IPO11: variants seen among roughly 807,000 people sequenced by gnomAD.
The protein encoded by IPO11 is importin 11.
A neutral mutation model predicts 143.2 loss-of-function variants in IPO11; 66 were observed. That is an observed-to-expected ratio of 0.46 (90% confidence interval 0.38 to 0.57). The LOEUF (loss-of-function observed/expected upper bound fraction) is 0.57. Ranked by LOEUF, IPO11 falls within the 20% of genes least tolerant of loss-of-function variation. IPO11 has a pLI of 0.00. For synonymous variants in IPO11, 385 were observed against 377.8 expected (o/e 1.02, Z -0.22); for missense variants, 1,026 against 1,141.0 (o/e 0.90, Z 1.45).
At chr5:62,551,019 GTA>G (rs373267363) in intron 25 of IPO11, among the ~76,000 whole-genome samples, 135 of 144,134 alleles carry the variant, frequency 9.4e-4, no homozygotes, top group Non-Finnish European at 1.0e-3. Context: ...TCTCTTTATT[GTA>G]TATATATATA....
chr5:62,457,972 C>A (rs1745221545), intron 5 of IPO11, among the ~76,000 whole-genome samples: 1 of 151,900 alleles, frequency 6.6e-6, no homozygotes, highest in African/African-American at 2.4e-5. Flanking sequence ...CACGGTGAAA[C>A]CCTGTCTCTA....
intron 20 of IPO11, among the ~76,000 whole-genome samples, chr5:62,523,937 T>A (rs1742283786): frequency 6.6e-6 from 1 of 152,180 alleles, no homozygotes; most frequent in Admixed American, 6.5e-5. Context: ...TGGAAAAAAT[T>A]ATAGATTCAC....
chr5:62,571,977 C>T (rs1158538589), intron 27 of IPO11, among the ~76,000 whole-genome samples: 1 of 152,202 alleles, frequency 6.6e-6, no homozygotes. Flanking sequence ...TGAGCCACTG[C>T]ACCCGGCCTT....
chr5:62,418,947 A>T (rs746874936), intron 1 of IPO11: 14 of 1,517,734 alleles, frequency 9.2e-6, no homozygotes, highest in Non-Finnish European at 1.2e-5. Flanking sequence ...TAAGGCTGGG[A>T]TACATCCTGA....
At chr5:62,435,082 G>GTGTATATATGTATATATGTACATATA (rs1744129042) in intron 1 of IPO11, among the ~76,000 whole-genome samples, 1 of 94,504 alleles carries the variant, frequency 1.1e-5, no homozygotes, top group East Asian at 2.9e-4. Flanking sequence ...GTATATATAT[G>GTGTATATATGTATATATGTACATATA]TGTATATATG....
chr5:62,497,827 G>C (rs1741209839), intron 16 of IPO11, among the ~76,000 whole-genome samples: 1 of 152,198 alleles, frequency 6.6e-6, no homozygotes, highest in Non-Finnish European at 1.5e-5. Flanking sequence ...TTTTGAGTGT[G>C]ATGTAAGTAA....
intron 8 of IPO11, among the ~76,000 whole-genome samples, chr5:62,475,456 A>T (rs1028695182): frequency 2.6e-5 from 4 of 152,148 alleles, no homozygotes; most frequent in Admixed American, 2.6e-4. Context: ...GGCTGCAGTG[A>T]GCAGTGATCT....
chr5:62,562,044 A>C (rs1743790805), intron 27 of IPO11: 1 of 152,158 alleles, frequency 6.6e-6, no homozygotes, highest in African/African-American at 2.4e-5. Context: ...ACTCACCTGG[A>C]GCCCCCTTCG....
At chr5:62,535,807 T>G (rs1742715046) in intron 22 of IPO11, among the ~76,000 whole-genome samples, 1 of 152,060 alleles carries the variant, frequency 6.6e-6, no homozygotes, top group South Asian at 2.1e-4. Flanking sequence ...AAAAAATAAT[T>G]TGTCTTATTT....
At chr5:62,486,390 A>G (rs932434636) in intron 12 of IPO11, among the ~76,000 whole-genome samples, 1 of 152,182 alleles carries the variant, frequency 6.6e-6, no homozygotes, top group Admixed American at 6.5e-5. Context: ...TCAAACTGAA[A>G]GCTGCCATTC....
chr5:62,476,534 G>T, intron 8 of IPO11, 149 bp from the exon 9 acceptor site: 1 of 780,824 alleles, frequency 1.3e-6, no homozygotes, highest in Non-Finnish European at 1.9e-6. Flanking sequence ...CTGTTACTCA[G>T]TGTAAATCTT....
chr5:62,479,184 G>A (rs1179892913), intron 9 of IPO11, among the ~76,000 whole-genome samples: 1 of 152,160 alleles, frequency 6.6e-6, no homozygotes. Context: ...AGAATGTGCG[G>A]TGTTTGGTTT....
In IPO11 at chr5:62,537,233, T is replaced by C; in HGVS notation, c.2194T>C (p.Ser732Pro). The change falls in exon 24 of 30, where the codon TCC becomes CCC. Residue 732 changes from serine (S) to proline (P), a missense_variant. By Grantham distance (74) the Ser-to-Pro change is moderately conservative (BLOSUM62 -1). This residue lies in a region of IPO11 where 351 missense variants were observed against 358.9 expected (regional missense o/e 0.98). Transcript: ENST00000325324. The stretch of plus-strand genomic sequence containing the variant: ...GACATACGCAGTAGGTCTATGCCAG[T>C]CCTTTTGTGAACTTTTAAAGGAAAT... ...LQTYAVGLCQ[S>P]FCELLKEITT... The C allele has an allele frequency of 6.2e-7, 1 of 1,606,612 alleles. No individual in the cohort carries two copies. Among genetic ancestry groups the C allele is most frequent in the East Asian group, 2.2e-5 (1 of 44,718 alleles).
At chr5:62,456,611 G>A (rs1043357074) in intron 5 of IPO11, among the ~76,000 whole-genome samples, 2 of 152,162 alleles carry the variant, frequency 1.3e-5, no homozygotes, top group East Asian at 1.9e-4. Flanking sequence ...CACGTACGAC[G>A]ATGCCCGGCC....
Position 62,437,379 on chromosome 5 carries a change from C to T in IPO11, c.100C>T (p.Gln34Ter), listed in dbSNP as rs1561310172. The change falls in exon 2 of 30, where the codon CAG becomes TAG. Residue 34 changes from glutamine (Q) to a stop codon, truncating the protein, a stop_gained. Coordinates refer to ENST00000325324, the MANE Select transcript of IPO11 (RefSeq NM_016338.5). LOFTEE classifies it high-confidence loss of function. ...VLKPAEEQLK[Q>*]WETQPGFYSV... ...AAAACCAGCTGAGGAGCAGTTGAAG[C>T]AGTGGGAGACACAGCCAGGTTTCTA... The T allele has an allele frequency of 6.2e-7, 1 of 1,611,900 alleles. No homozygotes were observed. Among genetic ancestry groups the T allele is most frequent in the Admixed American group, 1.7e-5 (1 of 59,772 alleles).
intron 21 of IPO11, among the ~76,000 whole-genome samples, chr5:62,527,500 A>G (rs781761411): frequency 3.3e-5 from 5 of 152,188 alleles, no homozygotes; most frequent in Non-Finnish European, 7.3e-5. Flanking sequence ...GTAAGATAAA[A>G]TATTAATTCC....
chr5:62,552,202 T>C (rs957650869), intron 26 of IPO11, among the ~76,000 whole-genome samples: 3 of 152,140 alleles, frequency 2.0e-5, no homozygotes, highest in Non-Finnish European at 4.4e-5. Flanking sequence ...TGTTAAGATT[T>C]ATAAGATGTT....
chr5:62,578,906 A>G (rs1418794277), intron 27 of IPO11: 3 of 258,320 alleles, frequency 1.2e-5, no homozygotes, highest in Non-Finnish European at 2.3e-5. Flanking sequence ...GAATCAGCTG[A>G]GTGTTAATAA....
chr5:62,496,929 C>G (rs768150465), intron 16 of IPO11, among the ~76,000 whole-genome samples: 12 of 152,190 alleles, frequency 7.9e-5, no homozygotes, highest in Non-Finnish European at 1.0e-4. Context: ...CTCTGCCCAG[C>G]GGCCTCTGAT....
Sources: gnomAD v4.1 joint callset for allele counts (sites outside exome capture counted in the v4.1 genomes callset) on GRCh38, gnomAD v4.1.1 for gene constraint, gnomAD v4.1.1 regional missense constraint, MANE v1.5 for transcripts, NCBI Gene and HGNC (gene_info 2026-07-23, HGNC 2026-07-21) for gene names.